The following BIN2 variants were observed in gnomAD, a reference collection of about 807,000 sequenced individuals.
BIN2 encodes the protein breast cancer associated protein BRAP1.
A neutral mutation model predicts 67.9 loss-of-function variants in BIN2; 43 were observed. The observed-to-expected ratio is 0.63, with a 90% CI of 0.50 to 0.82. BIN2 has a LOEUF of 0.82. Ranked by LOEUF, BIN2 falls within the 40% of genes least tolerant of loss-of-function variation. The pLI is 0.00. For missense variants in BIN2, 581 were observed against 671.6 expected (o/e 0.87, Z 1.49); for synonymous variants, 244 against 246.8 (o/e 0.99, Z 0.11).
At chr12:51,296,293 G>A (rs758994430) in intron 8 of BIN2, among the ~76,000 whole-genome samples, 37 of 152,102 alleles carry the variant, frequency 2.4e-4, no homozygotes, top group Non-Finnish European at 3.8e-4. Flanking sequence ...TCAGGAGATC[G>A]AGACCATCCT....
At position 51,299,672 on chromosome 12, in the gene BIN2, T is replaced by G. The variant is rs761737319; in HGVS notation, c.451A>C (p.Ser151Arg). Residue 151 changes from serine to arginine, a missense_variant, in exon 6 of 13, where the codon AGT becomes CGT. Coordinates refer to ENST00000615107, the MANE Select transcript of BIN2 (RefSeq NM_016293.4). Reference sequence around the variant, plus strand: ...ACTGCCTCCAGGTGGTGTCGGGCACTGTCATAGTCCACGAGTTTCCGACCC... The same window carrying G: ...ACTGCCTCCAGGTGGTGTCGGGCACGGTCATAGTCCACGAGTTTCCGACCC... Reference protein sequence around the residue: ...KRGRKLVDYDSARHHLEAVQN... With the variant: ...KRGRKLVDYDRARHHLEAVQN... 8.7e-6 allele frequency: 14 copies of G among 1,614,118 alleles called. No homozygotes were observed. Among genetic ancestry groups the G allele is most frequent in the Non-Finnish European group, 1.2e-5 (14 of 1,180,022 alleles).
At chr12:51,296,670 G>A (rs1320708524) in intron 8 of BIN2, among the ~76,000 whole-genome samples, 1 of 152,134 alleles carries the variant, frequency 6.6e-6, no homozygotes, top group Admixed American at 6.6e-5. Context: ...CATAAATTAT[G>A]TTATATGGCT....
chr12:51,316,328 C>A (rs902206420), intron 1 of BIN2, among the ~76,000 whole-genome samples: 318 of 123,052 alleles, frequency 2.6e-3, no homozygotes, highest in Middle Eastern at 4.1e-3. Flanking sequence ...ACTAAAAATA[C>A]AAAAAAAAAA....
chr12:51,324,191 C>T, upstream of BIN2: 1 of 1,545,486 alleles, frequency 6.5e-7, no homozygotes, highest in Non-Finnish European at 8.7e-7. Flanking sequence ...TCCCGGCATG[C>T]CTCGCATCCG....
chr12:51,301,469 C>A (rs569883854), intron 5 of BIN2, among the ~76,000 whole-genome samples: 1 of 152,134 alleles, frequency 6.6e-6, no homozygotes, highest in African/African-American at 2.4e-5. Context: ...GGATCTAATT[C>A]GAAATCAGCC....
chr12:51,299,520 C>T (rs1945661260), intron 6 of BIN2, 87 bp downstream of exon 6: 16 of 1,226,682 alleles, frequency 1.3e-5, no homozygotes, highest in Non-Finnish European at 1.8e-5. Context: ...ATTTCCTATA[C>T]CCATGTTGGC....
At chr12:51,311,565 G>A (rs947725217) in intron 2 of BIN2, among the ~76,000 whole-genome samples, 2 of 151,860 alleles carry the variant, frequency 1.3e-5, no homozygotes, top group South Asian at 4.1e-4. Flanking sequence ...TTTTTTTGTA[G>A]AGACGGGATC....
At position 51,299,494 on chromosome 12, in the gene BIN2, G is replaced by A. The variant is rs888852803; in HGVS notation, c.516+113C>T. On this transcript the variant is annotated intron_variant, in intron 6 of 12. Transcript: ENST00000615107. ...AGAAACAGATTTCCTTTAGGACACT[G>A]GATGCTGAATTTATAATTTCCTATA... The A allele has an allele frequency of 4.3e-5, 46 of 1,075,460 alleles. No individual in the cohort carries two copies. The African/African-American group carries it at 5.4e-4, about 13-fold the overall frequency. The allele number at this position is 1,075,460 out of a possible 1,614,324, so 66.6% of individuals were successfully genotyped here.
intron 1 of BIN2, among the ~76,000 whole-genome samples, chr12:51,316,769 C>T (rs528082384): frequency 6.6e-6 from 1 of 152,284 alleles, no homozygotes; most frequent in African/African-American, 2.4e-5. Context: ...TGATACTTAA[C>T]CACATCCACT....
chr12:51,283,693 A>T (rs1945170332), intron 12 of BIN2, among the ~76,000 whole-genome samples: 1 of 152,158 alleles, frequency 6.6e-6, no homozygotes. Flanking sequence ...CAGAATAAGG[A>T]TATAAAGAAA....
chr12:51,285,814 G>A (rs1945224482), intron 11 of BIN2, among the ~76,000 whole-genome samples: 1 of 151,864 alleles, frequency 6.6e-6, no homozygotes, highest in Admixed American at 6.6e-5. Flanking sequence ...GCTTCACTAT[G>A]TTAGCAAGGC....
intron 2 of BIN2, among the ~76,000 whole-genome samples, chr12:51,311,218 A>G (rs1353417927): frequency 6.6e-6 from 1 of 151,002 alleles, no homozygotes; most frequent in African/African-American, 2.4e-5. Context: ...TGCCCAGCTA[A>G]TTTTTCTTAT....
chr12:51,305,984 G>C (rs925717062), intron 2 of BIN2, among the ~76,000 whole-genome samples: 1 of 151,696 alleles, frequency 6.6e-6, no homozygotes, highest in Non-Finnish European at 1.5e-5. Flanking sequence ...CTACAGGTGT[G>C]TGCCACCACG....
Position 51,281,412 on chromosome 12 carries a change from G to A in BIN2, c.*87C>T. 7.1e-7 allele frequency: 1 copy of A among 1,405,162 alleles called. No homozygotes were observed. Among genetic ancestry groups the A allele is most frequent in the Non-Finnish European group, 1.0e-6 (1 of 990,506 alleles). The allele number at this position is 1,405,162 out of a possible 1,614,324, so 87.0% of individuals were successfully genotyped here. ...TACTGAGAACCCAGGGATGGATGCT[G>A]GCTCTTATATCCCTCTGACCTATAC... is the stretch of plus-strand genomic sequence containing the variant. On this transcript the variant is annotated 3_prime_UTR_variant, in exon 13 of 13. Transcript: ENST00000615107.
intron 1 of BIN2, among the ~76,000 whole-genome samples, chr12:51,318,046 A>G (rs1331675290): frequency 6.6e-6 from 1 of 152,210 alleles, no homozygotes; most frequent in Admixed American, 6.5e-5. Context: ...GACAGCAGAA[A>G]GAGGATTCCA....
At chr12:51,281,642 C>T in intron 12 of BIN2, 114 bp from the exon 13 acceptor site, 2 of 1,112,196 alleles carry the variant, frequency 1.8e-6, no homozygotes, top group African/African-American at 1.5e-5. Flanking sequence ...ATGCCACTGG[C>T]CTCTCTTGAG....
At chr12:51,299,470 G>T in intron 6 of BIN2, 137 bp downstream of exon 6, 1 of 1,007,234 alleles carries the variant, frequency 9.9e-7, no homozygotes, top group Non-Finnish European at 1.5e-6. Context: ...AGTGTCAGAA[G>T]AAACAGATTT....
Position 51,281,414 on chromosome 12 carries a change from C to T in BIN2, c.*85G>A, listed in dbSNP as rs1191380970. ...CTGAGAACCCAGGGATGGATGCTGG[C>T]TCTTATATCCCTCTGACCTATACCC... On this transcript the variant is annotated 3_prime_UTR_variant, in exon 13 of 13. Coordinates refer to ENST00000615107, the MANE Select transcript of BIN2 (RefSeq NM_016293.4). 1 of 1,419,808 alleles carries T rather than the reference C, an allele frequency of 7.0e-7. No individual in the cohort carries two copies. The highest frequency in any genetic ancestry group is 1.0e-6 in the Non-Finnish European group (1 of 1,003,976). 88.0% of individuals were successfully genotyped at this position (1,419,808 alleles called of 1,614,324 possible).
chr12:51,313,771 C>A, intron 2 of BIN2, 52 bp downstream of exon 2: 1 of 1,484,590 alleles, frequency 6.7e-7, no homozygotes, highest in South Asian at 1.1e-5. Flanking sequence ...GCCACTCAGC[C>A]CTCGTGTCTC....
Sources: gnomAD v4.1 joint callset for allele counts (sites outside exome capture counted in the v4.1 genomes callset) on GRCh38, gnomAD v4.1.1 for gene constraint, MANE v1.5 for transcripts, NCBI Gene and HGNC (gene_info 2026-07-23, HGNC 2026-07-21) for gene names.